Variants in XPNPEP1 observed in about 807,000 individuals in gnomAD.
The protein encoded by XPNPEP1 is X-prolyl aminopeptidase 1.
XPNPEP1 carries 39 observed loss-of-function variants against 92.4 expected under a neutral mutation model. That is an observed-to-expected ratio of 0.42 (90% CI 0.33 to 0.55). The LOEUF is 0.55. XPNPEP1 is among the 20% of genes least tolerant of loss of function. The probability of loss-of-function intolerance (pLI) is 0.08; values close to 1 mark genes in which losing one functional copy is unlikely to be tolerated. For synonymous variants in XPNPEP1, 307 were observed against 299.4 expected (o/e 1.03, Z -0.26); for missense variants, 654 against 856.1 (o/e 0.76, Z 2.95).
In XPNPEP1 at chr10:109,882,537, C is replaced by T; in HGVS notation, c.936G>A (p.Lys312=). 1 of 1,614,184 alleles carries T rather than the reference C, an allele frequency of 6.2e-7. No individual in the cohort carries two copies. Among genetic ancestry groups the T allele is most frequent in the African/African-American group, 1.3e-5 (1 of 75,036 alleles). ...AEYRIQVHPY[K]SILSELKALC... ...GGGCCTTGAGCTCGCTCAGGATGGA[C>T]TTGTAGGGATGCACCTGGATCCTGT... Residue 312 remains lysine (K), a synonymous_variant, in exon 10 of 21, where the codon AAG becomes AAA. Coordinates refer to ENST00000502935, the MANE Select transcript of XPNPEP1 (RefSeq NM_020383.4).
chr10:109,908,580 A>T (rs1301278968), intron 2 of XPNPEP1, among the ~76,000 whole-genome samples: 1 of 152,138 alleles, frequency 6.6e-6, no homozygotes, highest in Non-Finnish European at 1.5e-5. Flanking sequence ...CCAGCCTGGC[A>T]AAAGACCAAG....
chr10:109,907,939 AT>A (rs1849648596), intron 2 of XPNPEP1, 124 bp from the exon 3 acceptor site: 1 of 1,415,932 alleles, frequency 7.1e-7, no homozygotes, highest in East Asian at 2.3e-5. Context: ...AGGTCTTCAA[AT>A]TGATCACTCC....
At chr10:109,870,062 AGCCC>A (rs769235660) in intron 18 of XPNPEP1, 33 bp from the exon 19 acceptor site, 164 of 1,610,672 alleles carry the variant, frequency 1.0e-4, no homozygotes, top group Non-Finnish European at 1.3e-4. Context: ...AATGAGAAGC[AGCCC>A]ACGATGAAGA....
At chr10:109,890,587 TGTGTGTGAGAGA>T (rs1240381758) in intron 5 of XPNPEP1, among the ~76,000 whole-genome samples, 34 of 91,476 alleles carry the variant, frequency 3.7e-4, no homozygotes, top group South Asian at 1.9e-3. Context: ...TGTGTGTGTG[TGTGTGTGAGAGA>T]GAGAGAGAGA....
intron 9 of XPNPEP1, among the ~76,000 whole-genome samples, chr10:109,883,171 T>C (rs1848202165): frequency 6.6e-6 from 1 of 152,210 alleles, no homozygotes; most frequent in Admixed American, 6.5e-5. Context: ...GGCCTCTCTT[T>C]TCTGTGGCCC....
intron 9 of XPNPEP1, 96 bp from the exon 10 acceptor site, chr10:109,882,738 G>T: frequency 7.3e-7 from 1 of 1,368,100 alleles, no homozygotes. Context: ...CTGTTTCCTG[G>T]CAACCAAAAC....
intron 3 of XPNPEP1, chr10:109,893,572 C>T (rs1388231689): frequency 6.5e-6 from 1 of 154,966 alleles, no homozygotes; most frequent in African/African-American, 2.4e-5. Flanking sequence ...CCCATGCAGA[C>T]CCTGTCCCTT....
intron 16 of XPNPEP1, among the ~76,000 whole-genome samples, 153 bp from the exon 17 acceptor site, chr10:109,872,014 C>G (rs1038609348): frequency 1.3e-5 from 2 of 152,158 alleles, no homozygotes; most frequent in South Asian, 2.1e-4. Flanking sequence ...GGAAAAAAAG[C>G]CTGGCCACGG....
intron 3 of XPNPEP1, among the ~76,000 whole-genome samples, chr10:109,905,647 A>G (rs1849520345): frequency 6.6e-6 from 1 of 152,260 alleles, no homozygotes; most frequent in Non-Finnish European, 1.5e-5. Flanking sequence ...GTTGCACAAC[A>G]ATATGTGCAT....
At chr10:109,909,693 T>C (rs1190115206) in intron 2 of XPNPEP1, among the ~76,000 whole-genome samples, 3 of 152,212 alleles carry the variant, frequency 2.0e-5, no homozygotes, top group African/African-American at 2.4e-5. Flanking sequence ...TACAGAATAG[T>C]GATCATGCAT....
At chr10:109,897,780 A>G (rs867331850) in intron 3 of XPNPEP1, among the ~76,000 whole-genome samples, 10 of 151,974 alleles carry the variant, frequency 6.6e-5, no homozygotes, top group Non-Finnish European at 7.4e-5. Context: ...CAGTCTCCCA[A>G]GTAGCTGGGA....
intron 15 of XPNPEP1, 133 bp downstream of exon 15, chr10:109,875,395 C>G (rs1042574852): frequency 7.2e-6 from 5 of 690,068 alleles, no homozygotes; most frequent in East Asian, 5.5e-5. Flanking sequence ...TGACAAGACA[C>G]AGGAACGATT....
At chr10:109,869,777 G>A (rs1462920201) in intron 19 of XPNPEP1, 176 bp downstream of exon 19, 1 of 569,818 alleles carries the variant, frequency 1.8e-6, no homozygotes, top group African/African-American at 1.9e-5. Context: ...AAGGCTCCAT[G>A]TTGGCCCCAG....
rs571340765 is a variant in XPNPEP1, at chr10:109,896,974, T to C, written c.247-3899A>G. 9.2e-5 allele frequency among the ~76,000 whole-genome samples: 14 copies of C among 152,326 alleles called. No individual in the cohort carries two copies. In the East Asian group the frequency reaches 2.5e-3, roughly 27 times the overall value. On this transcript the variant is annotated intron_variant, in intron 3 of 20. Transcript: ENST00000502935. Reference sequence around the variant, plus strand: ...GTTTTAAGTCACTGTGGTAATTTGTTATAGCAGTGATAGGAAACTAATACA... The same window carrying C: ...GTTTTAAGTCACTGTGGTAATTTGTCATAGCAGTGATAGGAAACTAATACA...
intron 12 of XPNPEP1, 74 bp from the exon 13 acceptor site, chr10:109,878,132 A>T: frequency 1.3e-6 from 2 of 1,566,690 alleles, no homozygotes; most frequent in East Asian, 4.5e-5. Flanking sequence ...GAGGAGGTAC[A>T]TTAAAAGCTC....
chr10:109,907,772 C>G lies in XPNPEP1; in HGVS notation c.165G>C (p.Gln55His). The change falls in exon 3 of 21, where the codon CAG becomes CAC. Residue 55 changes from glutamine (Q) to histidine (H), a missense_variant. By Grantham distance (24) the Gln-to-His change is conservative. Coordinates refer to ENST00000502935, the MANE Select transcript of XPNPEP1 (RefSeq NM_020383.4). The stretch of plus-strand genomic sequence containing the variant: ...CAGAGTTCCTCATGGCTTGTCTCAG[C>G]TGCCGAAGCAGCTCTGAAGTCACCT... ...PPKVTSELLR[Q>H]LRQAMRNSEY... 1 of 1,614,228 alleles carries G rather than the reference C, an allele frequency of 6.2e-7. No homozygotes were observed. The highest frequency in any genetic ancestry group is 8.5e-7 in the Non-Finnish European group (1 of 1,180,046).
chr10:109,896,384 T>C (rs1848991533), intron 3 of XPNPEP1, among the ~76,000 whole-genome samples: 1 of 146,838 alleles, frequency 6.8e-6, no homozygotes, highest in Non-Finnish European at 1.5e-5. Flanking sequence ...GTTCAAGCAA[T>C]CCTCCCACCT....
At chr10:109,882,287 A>G in intron 10 of XPNPEP1, 145 bp downstream of exon 10, 1 of 882,314 alleles carries the variant, frequency 1.1e-6, no homozygotes. Context: ...GGCTCTTGCT[A>G]TGGCTCCAGC....
chr10:109,899,963 C>G (rs1423549626), intron 3 of XPNPEP1, among the ~76,000 whole-genome samples: 2 of 152,226 alleles, frequency 1.3e-5, no homozygotes, highest in Non-Finnish European at 2.9e-5. Context: ...TCCAGATTAC[C>G]AGAGAGAACA....
Sources: gnomAD v4.1 joint callset for allele counts (sites outside exome capture counted in the v4.1 genomes callset) on GRCh38, gnomAD v4.1.1 for gene constraint, MANE v1.5 for transcripts, NCBI Gene and HGNC (gene_info 2026-07-23, HGNC 2026-07-21) for gene names.